Variants in ANHX observed in about 807,000 individuals in gnomAD.
ANHX encodes anomalous homeobox.
Under a neutral mutation model 38.9 loss-of-function variants are expected in ANHX, and 20 were observed. The ratio of observed to expected loss-of-function variants is 0.51; its 90% CI spans 0.36 to 0.75. The LOEUF (loss-of-function observed/expected upper bound fraction) is 0.75. Among genes scored for constraint, ANHX ranks in the 30% least tolerant of loss-of-function variants. The pLI is 0.00. For missense variants in ANHX, 475 were observed against 493.1 expected (o/e 0.96, Z 0.35); for synonymous variants, 185 against 203.1 (o/e 0.91, Z 0.76).
chr12:133,232,059 G>C (rs1237648005), intron 2 of ANHX, among the ~76,000 whole-genome samples: 1 of 152,190 alleles, frequency 6.6e-6, no homozygotes, highest in Non-Finnish European at 1.5e-5. Flanking sequence ...ACAGCAAAGG[G>C]GAGGTGGAGC....
chr12:133,220,952 G>T (rs1957101012), intron 8 of ANHX, among the ~76,000 whole-genome samples: 1 of 152,232 alleles, frequency 6.6e-6, no homozygotes, highest in Non-Finnish European at 1.5e-5. Flanking sequence ...GGTGATTTGG[G>T]GGTAAGGGTG....
intron 3 of ANHX, among the ~76,000 whole-genome samples, chr12:133,228,673 G>C (rs757034625): frequency 7.9e-5 from 12 of 152,174 alleles, no homozygotes; most frequent in Non-Finnish European, 2.9e-5. Context: ...ATGCCTGTGG[G>C]GCCCCTGGTG....
rs963174305 is a variant in ANHX, at chr12:133,218,373, A to G, written c.*512T>C. 2 of 152,638 alleles carry G rather than the reference A, an allele frequency of 1.3e-5. No homozygotes were observed. The highest frequency in any genetic ancestry group is 4.8e-5 in the African/African-American group (2 of 41,494). The allele number at this position is 152,638 out of a possible 1,614,324, so 9.5% of individuals were successfully genotyped here. ...ATTTGTGTCATAGACACAGTGAATT[A>G]CAACCTGGAGGGAAAATCCACCCTA... On this transcript the variant is annotated 3_prime_UTR_variant, in exon 10 of 10. Coordinates refer to ENST00000545940, the MANE Select transcript of ANHX (RefSeq NM_001372060.1).
chr12:133,220,348 C>T (rs760702274), intron 8 of ANHX, among the ~76,000 whole-genome samples: 6 of 152,000 alleles, frequency 3.9e-5, no homozygotes, highest in African/African-American at 1.2e-4. Context: ...AGAGGTGAGG[C>T]GAGACACACA....
At chr12:133,224,390 G>C (rs1314810094) in intron 7 of ANHX, among the ~76,000 whole-genome samples, 7 of 152,210 alleles carry the variant, frequency 4.6e-5, no homozygotes, top group Non-Finnish European at 1.5e-5. Context: ...GGCTGGGCAT[G>C]GTGGCTCACG....
At chr12:133,223,104 G>A (rs181731340) in intron 7 of ANHX, among the ~76,000 whole-genome samples, 14 of 151,822 alleles carry the variant, frequency 9.2e-5, no homozygotes, top group Non-Finnish European at 1.8e-4. Context: ...CAGGAGAATC[G>A]CTTGAACCTG....
intron 6 of ANHX, among the ~76,000 whole-genome samples, chr12:133,226,032 G>A (rs1428403376): frequency 6.6e-6 from 1 of 152,176 alleles, no homozygotes; most frequent in Non-Finnish European, 1.5e-5. Context: ...TAGGTGGCAG[G>A]GCTGCATGTG....
intron 4 of ANHX, among the ~76,000 whole-genome samples, 191 bp from the exon 5 acceptor site, chr12:133,227,343 C>G (rs143037682): frequency 0.012 from 1,798 of 152,342 alleles, 45 homozygotes; most frequent in African/African-American, 0.04. Context: ...TGATCCCCAT[C>G]CCCTGAGCAG....
Position 133,221,305 on chromosome 12 carries a change from C to T in ANHX, c.1180G>A (p.Glu394Lys), listed in dbSNP as rs761707831. ...CGTCCACTGCTTGTGCCCAGACCCT[C>T]CTCCAATTGCACGCTCTGGGGATGG... The part of the protein sequence containing the change: ...SGHPQSVQLE[E>K]GLGTSSGRTE... Residue 394 changes from glutamate to lysine, a missense_variant, in exon 8 of 10, where the codon GAG becomes AAG. Transcript: ENST00000545940. This position sits in a 1 kb window ranked among gnomAD's most constrained non-coding sequence, Gnocchi z 4.1. 6.5e-7 allele frequency: 1 copy of T among 1,536,080 alleles called. No individual in the cohort carries two copies. Among genetic ancestry groups the T allele is most frequent in the Non-Finnish European group, 8.7e-7 (1 of 1,146,896 alleles).
chr12:133,228,096 TAG>T lies in ANHX; in HGVS notation c.378-151_378-150del, dbSNP rs1957215061. ...CTCTCTGCCTCCAGTTAGTGAAAAC[TAG>T]AGTCTCTTCCACAGACATGCACAAA... On this transcript the variant is annotated intron_variant, in intron 3 of 9. Coordinates refer to ENST00000545940, the MANE Select transcript of ANHX (RefSeq NM_001372060.1). The T allele has an allele frequency of 3.2e-6, 3 of 930,974 alleles. No individual in the cohort carries two copies. In the African/African-American group the frequency reaches 5.0e-5, roughly 15 times the overall value. The allele number at this position is 930,974 out of a possible 1,614,324, so 57.7% of individuals were successfully genotyped here.
chr12:133,231,674 C>T, intron 2 of ANHX, 30 bp from the exon 3 acceptor site: 1 of 1,535,342 alleles, frequency 6.5e-7, no homozygotes, highest in South Asian at 1.2e-5. Flanking sequence ...GAGCCCTGGC[C>T]ACCTGCCCAC....
chr12:133,219,645 A>G (rs1438172703), intron 8 of ANHX, among the ~76,000 whole-genome samples: 1 of 152,186 alleles, frequency 6.6e-6, no homozygotes, highest in African/African-American at 2.4e-5. Flanking sequence ...TGGAGGAAAC[A>G]GAGACCTCAA....
chr12:133,230,064 T>C (rs753577827), intron 3 of ANHX, among the ~76,000 whole-genome samples: 17 of 152,216 alleles, frequency 1.1e-4, no homozygotes, highest in Non-Finnish European at 1.9e-4. Context: ...CACAGCCCTC[T>C]TCTGGACATA....
chr12:133,218,951 C>T lies in ANHX; in HGVS notation c.1386G>A (p.Gln462=), dbSNP rs868660509. 1 of 1,534,586 alleles carries T rather than the reference C, an allele frequency of 6.5e-7. No homozygotes were observed. The highest frequency in any genetic ancestry group is 1.7e-4 in the Middle Eastern group (1 of 5,986). Residue 462 remains glutamine (Q), a synonymous_variant, in exon 10 of 10, where the codon CAG becomes CAA. Coordinates refer to ENST00000545940, the MANE Select transcript of ANHX (RefSeq NM_001372060.1). ...CTCCCCAGAAGGCATCACCAGAGGC[C>T]TGGCTATCAGAACACTGCACCTGGA... ...PSSQVQCSDS[Q]ASGDAFWGAR... is the part of the protein sequence containing the mutation.
intron 3 of ANHX, among the ~76,000 whole-genome samples, chr12:133,228,752 C>T (rs140279323): frequency 6.6e-6 from 1 of 152,344 alleles, no homozygotes; most frequent in East Asian, 1.9e-4. Context: ...GAACTAATTC[C>T]CTGCTTGCCA....
chr12:133,227,298 C>G (rs1487955643), intron 4 of ANHX, 146 bp from the exon 5 acceptor site: 1 of 897,886 alleles, frequency 1.1e-6, no homozygotes, highest in African/African-American at 1.7e-5. Context: ...GAGCGGTGAG[C>G]ATGAGCAGAA....
At chr12:133,219,469 T>C (rs1326528415) in intron 8 of ANHX, 102 bp from the exon 9 acceptor site, 3 of 732,480 alleles carry the variant, frequency 4.1e-6, no homozygotes, top group Non-Finnish European at 6.6e-6. Context: ...GACATTCTAG[T>C]ACTTGACACT....
At chr12:133,226,210 T>C in intron 6 of ANHX, 108 bp downstream of exon 6, 1 of 1,499,296 alleles carries the variant, frequency 6.7e-7, no homozygotes, top group South Asian at 1.2e-5. Flanking sequence ...CTGATCCCAG[T>C]GTGGGGGTCC....
intron 5 of ANHX, 62 bp from the exon 6 acceptor site, chr12:133,226,500 T>A: frequency 6.7e-7 from 1 of 1,491,532 alleles, no homozygotes; most frequent in Non-Finnish European, 8.9e-7. Context: ...CTCCTTCCCA[T>A]CAGGTATGAG....
Sources: gnomAD v4.1 joint callset for allele counts (sites outside exome capture counted in the v4.1 genomes callset) on GRCh38, gnomAD v4.1.1 for gene constraint, Gnocchi (gnomAD v3.1) non-coding constraint, MANE v1.5 for transcripts, NCBI Gene and HGNC (gene_info 2026-07-23, HGNC 2026-07-21) for gene names.